NEGR1: variants seen among roughly 807,000 people sequenced by gnomAD.
The protein encoded by NEGR1 is neuronal growth regulator 1.
In NEGR1, 10 loss-of-function variants were observed where a neutral mutation model predicts 40.9. The ratio of observed to expected loss-of-function variants is 0.24; its 90% confidence interval spans 0.15 to 0.42. The LOEUF is 0.42. NEGR1 is among the 10% of genes least tolerant of loss of function. The pLI is 1.00. For synonymous variants in NEGR1, 185 were observed against 166.8 expected, an observed-to-expected ratio of 1.11 and a Z score of -0.84; for missense variants, 352 against 438.9, an observed-to-expected ratio of 0.80 and a Z score of 1.77.
chr1:71,455,403 A>G (rs949596179), intron 6 of NEGR1, among the ~76,000 whole-genome samples: 1 of 152,168 alleles, frequency 6.6e-6, no homozygotes, highest in South Asian at 2.1e-4. Flanking sequence ...TCATCCTGTA[A>G]GCTTTAAGCA....
chr1:72,135,303 G>A (rs1340753974), intron 1 of NEGR1, among the ~76,000 whole-genome samples: 12 of 149,016 alleles, frequency 8.1e-5, no homozygotes, highest in Middle Eastern at 3.2e-3. Flanking sequence ...GTGAACCCGG[G>A]AGGCGGAGCT....
intron 2 of NEGR1, among the ~76,000 whole-genome samples, chr1:71,907,620 C>G (rs1661312410): frequency 6.6e-6 from 1 of 152,100 alleles, no homozygotes; most frequent in South Asian, 2.1e-4. Flanking sequence ...AAAAACACAA[C>G]TACATTCCAC....
intron 1 of NEGR1, among the ~76,000 whole-genome samples, chr1:72,275,783 G>A (rs538140838): frequency 7.2e-5 from 11 of 152,198 alleles, no homozygotes; most frequent in South Asian, 4.1e-4. Context: ...AGAAGTAAAC[G>A]AGAAGGTCAC....
chr1:72,231,071 T>C (rs1262575488), intron 1 of NEGR1, among the ~76,000 whole-genome samples: 1 of 152,168 alleles, frequency 6.6e-6, no homozygotes, highest in Admixed American at 6.6e-5. Flanking sequence ...AAGTGCATGA[T>C]AAATGAATGC....
At chr1:72,232,601 A>G (rs1320510939) in intron 1 of NEGR1, among the ~76,000 whole-genome samples, 4 of 151,794 alleles carry the variant, frequency 2.6e-5, no homozygotes, top group Admixed American at 2.6e-4. Context: ...GTTAAGCAAT[A>G]TTTTTTTTCT....
At chr1:72,137,141 CATT>C (rs1557545204) in intron 1 of NEGR1, among the ~76,000 whole-genome samples, 8 of 152,184 alleles carry the variant, frequency 5.3e-5, no homozygotes, top group African/African-American at 2.4e-5. Flanking sequence ...CTTTTACACT[CATT>C]ATGGGAGTGT....
At chr1:72,176,711 C>A (rs1315434757) in intron 1 of NEGR1, among the ~76,000 whole-genome samples, 1 of 151,884 alleles carries the variant, frequency 6.6e-6, no homozygotes, top group Non-Finnish European at 1.5e-5. Context: ...GGCTAGGATA[C>A]AAAATGGAAG....
chr1:71,796,404 G>C (rs1171462485), intron 2 of NEGR1, among the ~76,000 whole-genome samples: 3 of 152,110 alleles, frequency 2.0e-5, no homozygotes, highest in Non-Finnish European at 4.4e-5. Flanking sequence ...GATAGACAAA[G>C]TCATTTCTCT....
chr1:71,949,792 T>TTTTTATCTTCATTTTATCTCCTTTTA (rs1553124248), intron 1 of NEGR1, among the ~76,000 whole-genome samples: 3 of 152,132 alleles, frequency 2.0e-5, no homozygotes, highest in Non-Finnish European at 2.9e-5. Flanking sequence ...TTTTATCTTC[T>TTTTTATCTTCATTTTATCTCCTTTTA]TGTTCATTTT....
At chr1:71,595,307 T>A (rs2101524535) in intron 5 of NEGR1, among the ~76,000 whole-genome samples, 1 of 152,318 alleles carries the variant, frequency 6.6e-6, no homozygotes, top group African/African-American at 2.4e-5. Context: ...CCGAGGTAAT[T>A]TTCTTCCCTC....
chr1:72,229,844 T>C (rs889850318), intron 1 of NEGR1, among the ~76,000 whole-genome samples: 1 of 152,104 alleles, frequency 6.6e-6, no homozygotes, highest in African/African-American at 2.4e-5. Context: ...TTCCACATTC[T>C]GCTTTTATCA....
chr1:71,462,283 C>A (rs918604722), intron 6 of NEGR1, among the ~76,000 whole-genome samples: 3 of 152,122 alleles, frequency 2.0e-5, no homozygotes, highest in Admixed American at 2.0e-4. Flanking sequence ...GATAGAGCAA[C>A]TCTTTTAAGA....
intron 3 of NEGR1, among the ~76,000 whole-genome samples, chr1:71,771,423 C>T (rs1234449429): frequency 2.6e-5 from 4 of 151,954 alleles, no homozygotes; most frequent in Admixed American, 6.6e-5. Flanking sequence ...GTTCTGCACA[C>T]GTACCCCAGA....
At chr1:71,558,919 T>C (rs1476398485) in intron 6 of NEGR1, among the ~76,000 whole-genome samples, 10 of 150,348 alleles carry the variant, frequency 6.7e-5, no homozygotes, top group African/African-American at 2.2e-4. Flanking sequence ...TCAGTGCTTC[T>C]AGACTTCTCA....
At chr1:72,007,891 C>T (rs1646621769) in intron 1 of NEGR1, among the ~76,000 whole-genome samples, 1 of 151,910 alleles carries the variant, frequency 6.6e-6, no homozygotes, top group Non-Finnish European at 1.5e-5. Context: ...GAAAATATGT[C>T]AAGTTAGCCA....
At chr1:71,763,074 A>C (rs897380737) in intron 3 of NEGR1, among the ~76,000 whole-genome samples, 2 of 152,164 alleles carry the variant, frequency 1.3e-5, no homozygotes, top group Non-Finnish European at 2.9e-5. Flanking sequence ...ATGTAACTAT[A>C]AGGAAATAAT....
chr1:72,174,399 G>A (rs949310817), intron 1 of NEGR1, among the ~76,000 whole-genome samples: 9 of 152,226 alleles, frequency 5.9e-5, no homozygotes, highest in African/African-American at 2.2e-4. Flanking sequence ...GATTCTATAT[G>A]TTTGGATAAA....
At chr1:72,218,245 A>G (rs938390586) in intron 1 of NEGR1, among the ~76,000 whole-genome samples, 1 of 151,990 alleles carries the variant, frequency 6.6e-6, no homozygotes, top group African/African-American at 2.4e-5. Flanking sequence ...TGGAAGACAT[A>G]AATTGTCATT....
At chr1:71,787,265 C>T (rs1187954692) in intron 2 of NEGR1, among the ~76,000 whole-genome samples, 2 of 152,158 alleles carry the variant, frequency 1.3e-5, no homozygotes, top group African/African-American at 4.8e-5. Context: ...ACTACAAAGC[C>T]AGTGTGGTGT....
Sources: gnomAD v4.1 joint callset for allele counts (sites outside exome capture counted in the v4.1 genomes callset) on GRCh38, gnomAD v4.1.1 for gene constraint, MANE v1.5 for transcripts, NCBI Gene and HGNC (gene_info 2026-07-23, HGNC 2026-07-21) for gene names.